The following BRSK2 variants were observed in gnomAD, a reference collection of about 807,000 sequenced individuals.
BRSK2 encodes the protein serine/threonine-protein kinase BRSK2.
In BRSK2, 19 loss-of-function variants were observed where a neutral mutation model predicts 83.3. The observed-to-expected ratio is 0.23, with a 90% confidence interval of 0.16 to 0.33. BRSK2 has a LOEUF of 0.33. Ranked by LOEUF, BRSK2 falls within the 10% of genes least tolerant of loss-of-function variation. BRSK2 has a pLI of 1.00. For missense variants in BRSK2, 798 were observed against 1,042.3 expected, an observed-to-expected ratio of 0.77 and a Z score of 3.23; for synonymous variants, 519 against 435.4, an observed-to-expected ratio of 1.19 and a Z score of -2.39.
intron 1 of BRSK2, among the ~76,000 whole-genome samples, chr11:1,417,184 C>T (rs1374590022): frequency 6.6e-6 from 1 of 152,040 alleles, no homozygotes; most frequent in Non-Finnish European, 1.5e-5. Context: ...TAAAATGCGC[C>T]CTTTTCCCTA....
intron 19 of BRSK2, 27 bp from the exon 20 acceptor site, chr11:1,460,473 T>C (rs1461329488): frequency 2.3e-6 from 3 of 1,296,686 alleles, no homozygotes; most frequent in East Asian, 3.1e-5. Flanking sequence ...TTTTTTTTTT[T>C]TTTTTGTCTC....
intron 1 of BRSK2, among the ~76,000 whole-genome samples, chr11:1,421,719 T>C (rs1053711896): frequency 6.6e-6 from 1 of 152,016 alleles, no homozygotes; most frequent in African/African-American, 2.4e-5. Context: ...ACCGTGGGTG[T>C]GCAGGGTGGG....
At chr11:1,433,671 C>T (rs77086135) in intron 1 of BRSK2, among the ~76,000 whole-genome samples, 3,643 of 152,330 alleles carry the variant, frequency 0.024, 90 homozygotes, top group African/African-American at 0.068. Context: ...GCGCTGTGGG[C>T]GCCTCCAGCC....
intron 6 of BRSK2, 94 bp from the exon 7 acceptor site, chr11:1,443,241 G>A: frequency 6.6e-7 from 1 of 1,520,066 alleles, no homozygotes; most frequent in South Asian, 1.2e-5. Context: ...CTGCTAGGCT[G>A]CCTGTCCCCG....
intron 1 of BRSK2, among the ~76,000 whole-genome samples, chr11:1,414,819 C>T (rs1383217822): frequency 2.0e-5 from 3 of 152,178 alleles, no homozygotes; most frequent in Admixed American, 6.5e-5. Flanking sequence ...CCATGCTGTG[C>T]GTCCGTCTGC....
chr11:1,460,417 C>A, intron 19 of BRSK2, 83 bp from the exon 20 acceptor site: 2 of 879,646 alleles, frequency 2.3e-6, no homozygotes, highest in Non-Finnish European at 3.1e-6. Flanking sequence ...TTTCTCTCTC[C>A]TTCCCTCCCC....
rs1397398887 is a variant in BRSK2, at chr11:1,454,984, GCCATGGCC to G, written c.1668+378_1668+385del. On this transcript the variant is annotated intron_variant, in intron 16 of 19. Transcript: ENST00000528841. The surrounding 1 kb of genome is among the most constrained non-coding windows in gnomAD (Gnocchi z 5.2). ...AGACTCGGGGAGAAGCCCTTGTGAG[GCCATGGCC>G]CTAGGGACCGGTGGGGCTCTGCTGG... Among the ~76,000 whole-genome samples, 2 of 152,128 alleles carry G rather than the reference GCCATGGCC, an allele frequency of 1.3e-5. No individual in the cohort carries two copies. Among genetic ancestry groups the G allele is most frequent in the Non-Finnish European group, 2.9e-5 (2 of 68,002 alleles).
intron 8 of BRSK2, among the ~76,000 whole-genome samples, chr11:1,444,201 C>T (rs1281129282): frequency 6.6e-6 from 1 of 152,056 alleles, no homozygotes; most frequent in Non-Finnish European, 1.5e-5. Context: ...GGGGCAAGCT[C>T]CAGGCAGCGT....
chr11:1,429,162 A>G (rs545668968), intron 1 of BRSK2, among the ~76,000 whole-genome samples: 24 of 132,320 alleles, frequency 1.8e-4, no homozygotes, highest in Middle Eastern at 7.8e-3. Context: ...GTGTGTGTGC[A>G]CGGGTGTGTG....
chr11:1,452,208 C>A (rs1845890824), intron 15 of BRSK2, among the ~76,000 whole-genome samples: 1 of 152,194 alleles, frequency 6.6e-6, no homozygotes, highest in African/African-American at 2.4e-5. Flanking sequence ...TGGCTTTAAA[C>A]CAGGGGCCCC....
rs1379415613 is a variant in BRSK2, at chr11:1,438,909, C to G, written c.272+518C>G. 1.5e-4 allele frequency among the ~76,000 whole-genome samples: 23 copies of G among 152,190 alleles called. No individual in the cohort carries two copies. Among genetic ancestry groups the G allele is most frequent in the Non-Finnish European group, 7.3e-5 (5 of 68,030 alleles). ...AGGCCAGCAGAAATCCCTACCCTGT[C>G]CCAGGCATGCCTGGCTGTGAACCCC... On this transcript the variant is annotated intron_variant, in intron 3 of 19. Coordinates refer to ENST00000528841, the MANE Select transcript of BRSK2 (RefSeq NM_001256627.2). The surrounding 1 kb of genome is among the most constrained non-coding windows in gnomAD (Gnocchi z 6.4).
At chr11:1,446,061 G>GGA (rs1852021096) in intron 12 of BRSK2, among the ~76,000 whole-genome samples, 154 bp downstream of exon 12, 1 of 56,204 alleles carries the variant, frequency 1.8e-5, no homozygotes. Flanking sequence ...GGCTGGGCTG[G>GGA]GCTGGGCTTG....
intron 12 of BRSK2, among the ~76,000 whole-genome samples, chr11:1,446,957 T>C (rs1354005594): frequency 6.6e-6 from 1 of 152,096 alleles, no homozygotes; most frequent in Non-Finnish European, 1.5e-5. Flanking sequence ...TGTGGGGAAC[T>C]GCAAGGTAGC....
At chr11:1,446,055 G>T (rs74523953) in intron 12 of BRSK2, 148 bp downstream of exon 12, 6,919 of 375,572 alleles carry the variant, frequency 0.018, 118 homozygotes, top group South Asian at 0.024. Context: ...TAGCTGGGCT[G>T]GGCTGGGCTG....
At chr11:1,448,888 G>A (rs1305050970) in intron 12 of BRSK2, among the ~76,000 whole-genome samples, 2 of 152,248 alleles carry the variant, frequency 1.3e-5, no homozygotes, top group African/African-American at 4.8e-5. Flanking sequence ...GGCCTGGGCC[G>A]TGGTGTGGAC....
Position 1,438,288 on chromosome 11 carries a change from C to G in BRSK2, c.187-18C>G, listed in dbSNP as rs368548798. The G allele has an allele frequency of 3.7e-6, 6 of 1,613,054 alleles. No individual in the cohort carries two copies. The highest frequency in any genetic ancestry group is 1.3e-5 in the African/African-American group (1 of 75,054). Reference sequence around the variant, plus strand: ...CCCAGCCCTGTGAGCGTGATGTTCTCTGGCCTCTCCCATGCAGGTGGAGCG... The same window carrying G: ...CCCAGCCCTGTGAGCGTGATGTTCTGTGGCCTCTCCCATGCAGGTGGAGCG... On this transcript the variant is annotated intron_variant, in intron 2 of 19. Transcript: ENST00000528841. This position sits in a 1 kb window ranked among gnomAD's most constrained non-coding sequence, Gnocchi z 6.4.
At chr11:1,408,812 GGTGTGTGTGT>G (rs752611597) in intron 1 of BRSK2, among the ~76,000 whole-genome samples, 3 of 143,154 alleles carry the variant, frequency 2.1e-5, no homozygotes, top group African/African-American at 8.4e-5. Context: ...TGCCTGTGCT[GGTGTGTGTGT>G]GTGTGTGTGT....
intron 8 of BRSK2, 57 bp from the exon 9 acceptor site, chr11:1,444,914 A>G: frequency 6.5e-7 from 1 of 1,548,554 alleles, no homozygotes; most frequent in South Asian, 1.1e-5. Context: ...TCACCTCCTA[A>G]TGTGGGCTCT....
chr11:1,457,495 C>G (rs1427708889), intron 18 of BRSK2, among the ~76,000 whole-genome samples: 1 of 152,212 alleles, frequency 6.6e-6, no homozygotes, highest in Non-Finnish European at 1.5e-5. Flanking sequence ...AGGGCTCCCC[C>G]CACTCCCCTG....
Sources: allele counts gnomAD v4.1 joint callset (sites outside exome capture counted in the v4.1 genomes callset), GRCh38; gene constraint gnomAD v4.1.1; non-coding constraint Gnocchi (gnomAD v3.1); transcripts MANE v1.5; gene names NCBI Gene and HGNC (gene_info 2026-07-23, HGNC 2026-07-21).